The following HS6ST3 variants were observed in gnomAD, a reference collection of about 807,000 sequenced individuals.
The protein encoded by HS6ST3 is heparan sulfate 6-O-sulfotransferase 3, also known as heparan-sulfate 6-O-sulfotransferase 3.
A neutral mutation model predicts 36.7 loss-of-function variants in HS6ST3; 12 were observed. That is an observed-to-expected ratio of 0.33 (90% CI 0.21 to 0.53). The LOEUF is 0.53. Among genes scored for constraint, HS6ST3 ranks in the 20% least tolerant of loss-of-function variants. HS6ST3 has a pLI of 0.95. For missense variants in HS6ST3, 584 were observed against 640.9 expected (o/e 0.91, Z 0.96); for synonymous variants, 240 against 257.5 (o/e 0.93, Z 0.65).
intron 1 of HS6ST3, among the ~76,000 whole-genome samples, chr13:96,383,502 T>C (rs2055352108): frequency 6.6e-6 from 1 of 151,608 alleles, no homozygotes; most frequent in Non-Finnish European, 1.5e-5. Context: ...CTAGGGGAGA[T>C]TATGAGAATC....
At chr13:96,782,643 A>T (rs1417351189) in intron 1 of HS6ST3, among the ~76,000 whole-genome samples, 1 of 152,036 alleles carries the variant, frequency 6.6e-6, no homozygotes, top group Non-Finnish European at 1.5e-5. Context: ...TGGCTTTTTC[A>T]TTGCTTATCC....
intron 1 of HS6ST3, among the ~76,000 whole-genome samples, chr13:96,565,309 T>C (rs903121737): frequency 1.3e-5 from 2 of 151,976 alleles, no homozygotes; most frequent in African/African-American, 4.8e-5. Context: ...CAGAAGGGGA[T>C]ACTAATGAGG....
At chr13:96,491,357 T>C (rs1173186986) in intron 1 of HS6ST3, among the ~76,000 whole-genome samples, 1 of 151,352 alleles carries the variant, frequency 6.6e-6, no homozygotes, top group Non-Finnish European at 1.5e-5. Flanking sequence ...ACACATTTCA[T>C]ACTGCCATGA....
chr13:96,339,204 A>C (rs1257688343), intron 1 of HS6ST3, among the ~76,000 whole-genome samples: 1 of 152,246 alleles, frequency 6.6e-6, no homozygotes, highest in Non-Finnish European at 1.5e-5. Flanking sequence ...AATGACACAC[A>C]AGAACAATTA....
At chr13:96,492,163 T>C (rs1041184015) in intron 1 of HS6ST3, among the ~76,000 whole-genome samples, 2 of 152,340 alleles carry the variant, frequency 1.3e-5, no homozygotes, top group Admixed American at 1.3e-4. Flanking sequence ...TCACAGTTCA[T>C]AGATGCTGCC....
intron 1 of HS6ST3, among the ~76,000 whole-genome samples, chr13:96,595,765 G>T (rs1411100371): frequency 6.7e-6 from 1 of 149,142 alleles, no homozygotes; most frequent in Non-Finnish European, 1.5e-5. Flanking sequence ...CAAATAACCT[G>T]TATTCAAGTA....
chr13:96,124,310 G>A (rs568025399), intron 1 of HS6ST3, among the ~76,000 whole-genome samples: 1 of 152,254 alleles, frequency 6.6e-6, no homozygotes, highest in South Asian at 2.1e-4. Flanking sequence ...GACCACCAGG[G>A]ACTTGAATGG....
chr13:96,203,450 G>A (rs1466045278), intron 1 of HS6ST3, among the ~76,000 whole-genome samples: 1 of 152,164 alleles, frequency 6.6e-6, no homozygotes, highest in Non-Finnish European at 1.5e-5. Context: ...CCAAATCCAT[G>A]ACATTGGAGA....
intron 1 of HS6ST3, among the ~76,000 whole-genome samples, chr13:96,421,260 C>T (rs912735093): frequency 6.6e-5 from 10 of 151,948 alleles, no homozygotes; most frequent in Non-Finnish European, 1.3e-4. Flanking sequence ...TCTTTAGTAC[C>T]ACAGTTAAAA....
In HS6ST3 at chr13:96,400,380, GA is replaced by G. The variant is rs1281286364; in HGVS notation, c.707+308812del. On this transcript the variant is annotated intron_variant, in intron 1 of 1. Coordinates refer to ENST00000376705, the MANE Select transcript of HS6ST3 (RefSeq NM_153456.4). The stretch of plus-strand genomic sequence containing the variant: ...CCTGAATAGGCTGGGAATTCCTTCA[GA>G]GTAGGGAAGAGTGTCACATACCAAT... Among the ~76,000 whole-genome samples, 13 of 151,926 alleles carry G rather than the reference GA, an allele frequency of 8.6e-5. 1 individual carries two copies. The highest frequency in any genetic ancestry group is 1.9e-4 in the Non-Finnish European group (13 of 67,996).
chr13:96,511,004 T>A (rs1377838183), intron 1 of HS6ST3, among the ~76,000 whole-genome samples: 1 of 152,148 alleles, frequency 6.6e-6, no homozygotes, highest in Non-Finnish European at 1.5e-5. Context: ...TTCTGTATAA[T>A]TTTTTGTCCA....
intron 1 of HS6ST3, among the ~76,000 whole-genome samples, chr13:96,663,109 C>A (rs1329024164): frequency 6.6e-6 from 1 of 152,136 alleles, no homozygotes; most frequent in Non-Finnish European, 1.5e-5. Flanking sequence ...GTACAGGCAC[C>A]AGCCCTGACA....
chr13:96,325,996 C>A (rs991006496), intron 1 of HS6ST3, among the ~76,000 whole-genome samples: 1 of 152,040 alleles, frequency 6.6e-6, no homozygotes, highest in African/African-American at 2.4e-5. Context: ...AAGAAGAGAT[C>A]AGTGGCTTAA....
chr13:96,347,751 C>A (rs1469391677), intron 1 of HS6ST3, among the ~76,000 whole-genome samples: 1 of 152,182 alleles, frequency 6.6e-6, no homozygotes, highest in African/African-American at 2.4e-5. Flanking sequence ...CTATATCTTT[C>A]TTTTCTCAAT....
At chr13:96,522,355 G>A (rs1039229893) in intron 1 of HS6ST3, among the ~76,000 whole-genome samples, 6 of 152,186 alleles carry the variant, frequency 3.9e-5, no homozygotes, top group African/African-American at 1.4e-4. Context: ...TTCTGTAGAT[G>A]TCTATTAGGT....
chr13:96,279,015 GA>G (rs1313612351), intron 1 of HS6ST3, among the ~76,000 whole-genome samples: 4 of 152,104 alleles, frequency 2.6e-5, no homozygotes, highest in Non-Finnish European at 5.9e-5. Context: ...AACAATGAGT[GA>G]ACAATGAGCA....
chr13:96,318,446 T>C (rs2054986874), intron 1 of HS6ST3, among the ~76,000 whole-genome samples: 1 of 152,128 alleles, frequency 6.6e-6, no homozygotes, highest in Non-Finnish European at 1.5e-5. Context: ...GCAGGGAGAA[T>C]TGCTTGAACC....
At chr13:96,604,570 T>C (rs1389307494) in intron 1 of HS6ST3, among the ~76,000 whole-genome samples, 1 of 152,202 alleles carries the variant, frequency 6.6e-6, no homozygotes, top group Non-Finnish European at 1.5e-5. Context: ...ATGGCATCAA[T>C]GATAATATAA....
In HS6ST3 at chr13:96,530,989, G is replaced by A. The variant is rs78966634; in HGVS notation, c.708-301501G>A. On this transcript the variant is annotated intron_variant, in intron 1 of 1. Coordinates refer to ENST00000376705, the MANE Select transcript of HS6ST3 (RefSeq NM_153456.4). Reference sequence around the variant, plus strand: ...AGTTGGTCCATTGATCACACTCTGAGTAGCAATGATTTAGATCATTCTTTT... The same window carrying A: ...AGTTGGTCCATTGATCACACTCTGAATAGCAATGATTTAGATCATTCTTTT... Among the ~76,000 whole-genome samples, 3 of 152,310 alleles carry A rather than the reference G, an allele frequency of 2.0e-5. No homozygotes were observed. In the East Asian group the frequency reaches 5.8e-4, roughly 29 times the overall value.
Sources: allele counts gnomAD v4.1 joint callset (sites outside exome capture counted in the v4.1 genomes callset), GRCh38; gene constraint gnomAD v4.1.1; transcripts MANE v1.5; gene names NCBI Gene and HGNC (gene_info 2026-07-23, HGNC 2026-07-21).